Variants in TMPRSS11D observed in about 807,000 individuals in gnomAD.
TMPRSS11D encodes transmembrane protease serine 11D.
TMPRSS11D carries 32 observed loss-of-function variants against 44.4 expected under a neutral mutation model. That is an observed-to-expected ratio of 0.72 (90% CI 0.54 to 0.97). The LOEUF is 0.97. Ranked by LOEUF, TMPRSS11D falls within the 50% of genes least tolerant of loss-of-function variation. The pLI is 0.00. For missense variants in TMPRSS11D, 446 were observed against 502.6 expected, an observed-to-expected ratio of 0.89 and a Z score of 1.08; for synonymous variants, 179 against 177.9, an observed-to-expected ratio of 1.01 and a Z score of -0.05.
Position 67,842,574 on chromosome 4 carries a change from G to A in TMPRSS11D, c.301C>T (p.His101Tyr). 1.9e-6 allele frequency: 3 copies of A among 1,610,238 alleles called. No homozygotes were observed. The highest frequency in any genetic ancestry group is 2.5e-6 in the Non-Finnish European group (3 of 1,179,062). ...SNLRNQFIRA[H>Y]VAKLRQDGSG... ...TCCACTCACCTCAGTTTGGCAACAT[G>A]AGCTCTGATGAACTGATTTCTTAAA... Residue 101 changes from histidine (H) to tyrosine (Y), a missense_variant, in exon 4 of 10, where the codon CAT becomes TAT. Transcript: ENST00000283916.
At chr4:67,826,365 C>T (rs909280237) in intron 8 of TMPRSS11D, among the ~76,000 whole-genome samples, 2 of 152,070 alleles carry the variant, frequency 1.3e-5, no homozygotes, top group Non-Finnish European at 2.9e-5. Context: ...CATAAGAACA[C>T]AATAGAATGT....
At chr4:67,833,112 T>G in intron 7 of TMPRSS11D, 92 bp downstream of exon 7, 1 of 1,177,878 alleles carries the variant, frequency 8.5e-7, no homozygotes, top group Non-Finnish European at 1.1e-6. Flanking sequence ...TTGAATTATT[T>G]CTGGCTCAAT....
At chr4:67,849,306 G>A (rs1718437587) in intron 3 of TMPRSS11D, among the ~76,000 whole-genome samples, 1 of 152,192 alleles carries the variant, frequency 6.6e-6, no homozygotes, top group African/African-American at 2.4e-5. Context: ...AAACAGCCAT[G>A]TAAGGATATC....
chr4:67,862,992 A>C (rs1305049037), intron 1 of TMPRSS11D, among the ~76,000 whole-genome samples: 1 of 151,878 alleles, frequency 6.6e-6, no homozygotes, highest in East Asian at 1.9e-4. Flanking sequence ...ACAACATGGC[A>C]CATGCATACA....
At chr4:67,830,026 G>T (rs1464968057) in intron 7 of TMPRSS11D, among the ~76,000 whole-genome samples, 1 of 151,968 alleles carries the variant, frequency 6.6e-6, no homozygotes, top group Non-Finnish European at 1.5e-5. Flanking sequence ...ACTCTTTGTG[G>T]CAATGGGAAG....
chr4:67,868,018 GTT>G (rs1718967052), intron 1 of TMPRSS11D, among the ~76,000 whole-genome samples: 1 of 152,142 alleles, frequency 6.6e-6, no homozygotes, highest in Middle Eastern at 3.4e-3. Context: ...GTACTCATAT[GTT>G]TATTGCAGCA....
intron 1 of TMPRSS11D, among the ~76,000 whole-genome samples, chr4:67,876,745 T>C (rs1719200605): frequency 6.6e-6 from 1 of 152,208 alleles, no homozygotes; most frequent in Non-Finnish European, 1.5e-5. Flanking sequence ...GGGTGCTCTA[T>C]AGATACAGTG....
In TMPRSS11D at chr4:67,839,590, G is replaced by A. The variant is rs960577563; in HGVS notation, c.318-1261C>T. ...CAGTGCAAAATAGGAAGTTGAACTT[G>A]AGGTTTTAGAAAAAGGCCAGGAGTC... On this transcript the variant is annotated intron_variant, in intron 4 of 9. Transcript: ENST00000283916. Among the ~76,000 whole-genome samples the A allele has an allele frequency of 1.1e-4, 16 of 152,050 alleles. No homozygotes were observed. The East Asian group carries it at 3.1e-3, about 29-fold the overall frequency.
intron 1 of TMPRSS11D, among the ~76,000 whole-genome samples, chr4:67,867,102 C>A (rs1718943413): frequency 6.6e-6 from 1 of 151,920 alleles, no homozygotes; most frequent in African/African-American, 2.4e-5. Context: ...CTATAGTAAC[C>A]AAAACAGCAT....
chr4:67,872,601 T>G (rs1413054261), intron 1 of TMPRSS11D, among the ~76,000 whole-genome samples: 1 of 152,230 alleles, frequency 6.6e-6, no homozygotes, highest in East Asian at 1.9e-4. Context: ...GTTTCTGTTT[T>G]ATAATTTTAT....
At chr4:67,883,266 G>A (rs1448780720) in intron 1 of TMPRSS11D, among the ~76,000 whole-genome samples, 1 of 151,828 alleles carries the variant, frequency 6.6e-6, no homozygotes, top group African/African-American at 2.4e-5. Flanking sequence ...AACATACCAA[G>A]TTACATAATT....
intron 1 of TMPRSS11D, among the ~76,000 whole-genome samples, chr4:67,866,422 C>A (rs375214969): frequency 1.6e-4 from 24 of 151,798 alleles, no homozygotes; most frequent in Non-Finnish European, 3.5e-4. Flanking sequence ...AGCATTCCAC[C>A]GAAGAATTGG....
At chr4:67,823,255 T>G (rs767947336) in intron 9 of TMPRSS11D, among the ~76,000 whole-genome samples, 7 of 152,218 alleles carry the variant, frequency 4.6e-5, no homozygotes, top group Middle Eastern at 6.8e-3. Flanking sequence ...GTGAAGAAAT[T>G]TATATAGTCA....
At chr4:67,839,240 T>C (rs17576689) in intron 4 of TMPRSS11D, among the ~76,000 whole-genome samples, 4,888 of 152,254 alleles carry the variant, frequency 0.032, 89 homozygotes, top group Middle Eastern at 0.058. Context: ...CTTCAGAAAT[T>C]AGCTGGGACT....
intron 5 of TMPRSS11D, among the ~76,000 whole-genome samples, chr4:67,835,840 C>A (rs950478963): frequency 6.6e-6 from 1 of 151,796 alleles, no homozygotes; most frequent in Non-Finnish European, 1.5e-5. Flanking sequence ...GTTTGTGGAG[C>A]AATAAAGTAA....
chr4:67,834,791 G>A (rs192903129), intron 6 of TMPRSS11D, among the ~76,000 whole-genome samples: 1 of 152,176 alleles, frequency 6.6e-6, no homozygotes, highest in South Asian at 2.1e-4. Flanking sequence ...AACCAGGGCA[G>A]TAAAAGGTTC....
At chr4:67,872,848 A>G (rs1719095783) in intron 1 of TMPRSS11D, among the ~76,000 whole-genome samples, 1 of 152,208 alleles carries the variant, frequency 6.6e-6, no homozygotes, top group Non-Finnish European at 1.5e-5. Context: ...TTTGTTACAC[A>G]TAATGGTTAA....
intron 1 of TMPRSS11D, among the ~76,000 whole-genome samples, chr4:67,875,186 C>T (rs1719155909): frequency 1.3e-5 from 2 of 152,072 alleles, no homozygotes; most frequent in African/African-American, 4.8e-5. Context: ...CTTTTGATGC[C>T]TATACAATGT....
At chr4:67,852,970 G>A (rs1457572806) in intron 3 of TMPRSS11D, among the ~76,000 whole-genome samples, 2 of 152,174 alleles carry the variant, frequency 1.3e-5, no homozygotes, top group Non-Finnish European at 2.9e-5. Flanking sequence ...ATTTTGTGGC[G>A]AGGTGATGTG....
Sources: gnomAD v4.1 joint callset for allele counts (sites outside exome capture counted in the v4.1 genomes callset) on GRCh38, gnomAD v4.1.1 for gene constraint, MANE v1.5 for transcripts, NCBI Gene and HGNC (gene_info 2026-07-23, HGNC 2026-07-21) for gene names.